The following KLF7 variants were observed in gnomAD, a reference collection of about 807,000 sequenced individuals.
KLF7 encodes the protein Krueppel-like factor 7.
KLF7 carries 2 observed loss-of-function variants against 27.3 expected under a neutral mutation model. That is an observed-to-expected ratio of 0.07 (90% CI 0.03 to 0.23). The LOEUF is 0.23. Ranked by LOEUF, KLF7 falls within the 10% of genes least tolerant of loss-of-function variation. The probability of loss-of-function intolerance (pLI) is 1.00; values close to 1 mark genes in which losing one functional copy is unlikely to be tolerated. For synonymous variants in KLF7, 165 were observed against 162.4 expected (o/e 1.02, Z -0.12); for missense variants, 221 against 394.1 (o/e 0.56, Z 3.72).
intron 1 of KLF7, among the ~76,000 whole-genome samples, chr2:207,154,511 T>C (rs988092143): frequency 1.3e-5 from 2 of 152,202 alleles, no homozygotes; most frequent in African/African-American, 4.8e-5. Flanking sequence ...GTTTCCCTTG[T>C]GGATGGATAA....
At chr2:207,098,691 A>G (rs1248970987) in intron 2 of KLF7, among the ~76,000 whole-genome samples, 1 of 151,696 alleles carries the variant, frequency 6.6e-6, no homozygotes, top group Non-Finnish European at 1.5e-5. Flanking sequence ...CAGGGGTGCA[A>G]TCACAACTCA....
At chr2:207,137,959 T>C (rs2077834825) in intron 1 of KLF7, among the ~76,000 whole-genome samples, 2 of 152,154 alleles carry the variant, frequency 1.3e-5, no homozygotes, top group African/African-American at 2.4e-5. Context: ...AAATTAACAA[T>C]TCAACCCAAC....
intron 1 of KLF7, among the ~76,000 whole-genome samples, chr2:207,138,932 A>G (rs1159981756): frequency 6.6e-6 from 1 of 152,226 alleles, no homozygotes; most frequent in Non-Finnish European, 1.5e-5. Flanking sequence ...TTGATCTTCA[A>G]TAACTTGAGT....
chr2:207,152,515 A>G (rs781278683), intron 1 of KLF7, among the ~76,000 whole-genome samples: 6 of 152,188 alleles, frequency 3.9e-5, no homozygotes, highest in Admixed American at 3.3e-4. Context: ...ACAAATACCA[A>G]TAAGGAATGA....
intron 2 of KLF7, among the ~76,000 whole-genome samples, chr2:207,117,748 A>C (rs1397577216): frequency 6.6e-6 from 1 of 152,208 alleles, no homozygotes; most frequent in Non-Finnish European, 1.5e-5. Flanking sequence ...ATAAATTACT[A>C]TACTATCACA....
At chr2:207,085,484 T>C (rs2105860865) in intron 3 of KLF7, among the ~76,000 whole-genome samples, 1 of 152,330 alleles carries the variant, frequency 6.6e-6, no homozygotes, top group Non-Finnish European at 1.5e-5. Context: ...AAAAACCACT[T>C]ATCCCTCTAG....
At chr2:207,092,766 T>C (rs755190181) in intron 2 of KLF7, among the ~76,000 whole-genome samples, 12 of 152,242 alleles carry the variant, frequency 7.9e-5, no homozygotes, top group Non-Finnish European at 1.0e-4. Flanking sequence ...TGAGCATGCA[T>C]CTATGATATA....
chr2:207,108,930 C>T (rs771090964), intron 2 of KLF7, among the ~76,000 whole-genome samples: 1 of 152,098 alleles, frequency 6.6e-6, no homozygotes, highest in Admixed American at 6.6e-5. Context: ...CTGAGAGGAG[C>T]ATACAACTCA....
intron 1 of KLF7, among the ~76,000 whole-genome samples, chr2:207,149,618 G>A (rs1360751399): frequency 2.0e-5 from 3 of 152,206 alleles, no homozygotes; most frequent in African/African-American, 7.2e-5. Flanking sequence ...GGCAGTATGA[G>A]AGTGCAGCTT....
chr2:207,166,906 C>A (rs571158039), upstream of KLF7: 55 of 1,056,190 alleles, frequency 5.2e-5, no homozygotes, highest in East Asian at 1.8e-3. Context: ...CGCCCGCCCC[C>A]CGCTTGCGCA....
At chr2:207,113,733 A>C (rs2077102890) in intron 2 of KLF7, among the ~76,000 whole-genome samples, 1 of 151,804 alleles carries the variant, frequency 6.6e-6, no homozygotes, top group South Asian at 2.1e-4. Flanking sequence ...TTTAATGCTG[A>C]TGTGGTTTCC....
rs2077708957 is a variant in KLF7, at chr2:207,133,974, C to T, written c.103-9570G>A. ...ACAAGGCATTATTAATCCTGTTTTA[C>T]AGCCCGCTCTTATGCACCCCCACCC... On this transcript the variant is annotated intron_variant, in intron 1 of 3. Coordinates refer to ENST00000309446, the MANE Select transcript of KLF7 (RefSeq NM_003709.4). The T allele has an allele frequency of 1.1e-5, 10 of 906,348 alleles. No individual in the cohort carries two copies. In the South Asian group the frequency reaches 1.6e-4, roughly 14 times the overall value. The allele number at this position is 906,348 out of a possible 1,614,324, so 56.1% of individuals were successfully genotyped here.
At chr2:207,123,746 A>G (rs781616061) in intron 2 of KLF7, 28 bp downstream of exon 2, 33 of 1,589,122 alleles carry the variant, frequency 2.1e-5, no homozygotes, top group Non-Finnish European at 2.6e-5. Flanking sequence ...GAAAGAAGAA[A>G]CCACGTGCGG....
chr2:207,110,886 A>G (rs1011078504), intron 2 of KLF7, among the ~76,000 whole-genome samples: 1 of 152,198 alleles, frequency 6.6e-6, no homozygotes, highest in Non-Finnish European at 1.5e-5. Context: ...ACCTACAGAG[A>G]AGAAGACAGC....
intron 1 of KLF7, among the ~76,000 whole-genome samples, chr2:207,139,703 G>T (rs538143094): frequency 1.3e-5 from 2 of 152,052 alleles, no homozygotes; most frequent in African/African-American, 4.8e-5. Flanking sequence ...GGTGAGACTG[G>T]GGCAAATAGT....
chr2:207,109,411 C>T (rs1559127622), intron 2 of KLF7, among the ~76,000 whole-genome samples: 2 of 152,174 alleles, frequency 1.3e-5, no homozygotes, highest in African/African-American at 4.8e-5. Flanking sequence ...AATAACTGAT[C>T]TCTAAAGGAA....
At chr2:207,143,625 C>T (rs547237609) in intron 1 of KLF7, among the ~76,000 whole-genome samples, 4 of 152,278 alleles carry the variant, frequency 2.6e-5, no homozygotes, top group Admixed American at 6.5e-5. Flanking sequence ...GCCAGTAACC[C>T]TCAGTGGCTC....
chr2:207,111,102 G>GA (rs1209020221), intron 2 of KLF7, among the ~76,000 whole-genome samples: 1 of 152,220 alleles, frequency 6.6e-6, no homozygotes, highest in Admixed American at 6.5e-5. Context: ...TTCCCTGAGG[G>GA]AAAAAATCTC....
intron 1 of KLF7, among the ~76,000 whole-genome samples, chr2:207,155,267 G>A (rs750209529): frequency 5.3e-5 from 8 of 152,216 alleles, no homozygotes; most frequent in Non-Finnish European, 1.0e-4. Flanking sequence ...TGATACATAT[G>A]AGACAGTACT....
Sources: gnomAD v4.1 joint callset for allele counts (sites outside exome capture counted in the v4.1 genomes callset) on GRCh38, gnomAD v4.1.1 for gene constraint, MANE v1.5 for transcripts, NCBI Gene and HGNC (gene_info 2026-07-23, HGNC 2026-07-21) for gene names.